MMADHC: variants seen among roughly 807,000 people sequenced by gnomAD.
MMADHC encodes the protein cobalamin trafficking protein CblD.
In MMADHC, 23 loss-of-function variants were observed where a neutral mutation model predicts 36.3. That is an observed-to-expected ratio of 0.63 (90% CI 0.46 to 0.90). The LOEUF (loss-of-function observed/expected upper bound fraction) is 0.90, where lower values mean the gene tolerates loss of function less well. Among genes scored for constraint, MMADHC ranks in the 40% least tolerant of loss-of-function variants. The probability of loss-of-function intolerance (pLI) is 0.00; values close to 1 mark genes in which losing one functional copy is unlikely to be tolerated. For synonymous variants in MMADHC, 97 were observed against 116.1 expected (o/e 0.84, Z 1.06); for missense variants, 330 against 348.0 (o/e 0.95, Z 0.41).
intron 6 of MMADHC, 35 bp from the exon 7 acceptor site, chr2:149,571,206 A>G (rs1424018982): frequency 1.6e-6 from 2 of 1,270,616 alleles, no homozygotes; most frequent in Non-Finnish European, 1.1e-6. Context: ...TGCTTAAGAT[A>G]GCATTACTAG....
In MMADHC at chr2:149,586,744, A is replaced by G. The variant is rs533678725; in HGVS notation, c.9+345T>C. 14 of 286,742 alleles carry G rather than the reference A, an allele frequency of 4.9e-5. No individual in the cohort carries two copies. The Admixed American group carries it at 5.7e-4, about 12-fold the overall frequency. The allele number at this position is 286,742 out of a possible 1,614,324, so 17.8% of individuals were successfully genotyped here. On this transcript the variant is annotated intron_variant, in intron 2 of 7. Coordinates refer to ENST00000303319, the MANE Select transcript of MMADHC (RefSeq NM_015702.3). ...GGAAACTGTTTTAAAAAAAAGAAAA[A>G]AAGATTAAAAAAACCCTTCAGTTTA...
intron 3 of MMADHC, among the ~76,000 whole-genome samples, chr2:149,580,952 T>C (rs533083297): frequency 3.8e-4 from 58 of 152,334 alleles, no homozygotes; most frequent in Non-Finnish European, 5.7e-4. Flanking sequence ...CAGATCATGT[T>C]GAATAACAAG....
intron 2 of MMADHC, among the ~76,000 whole-genome samples, chr2:149,583,484 T>A (rs547093305): frequency 3.2e-4 from 48 of 152,292 alleles, no homozygotes; most frequent in African/African-American, 1.1e-3. Flanking sequence ...AAGGGCTTGT[T>A]ACATCAAGAT....
rs548181776 is a variant in MMADHC at position 149,579,799 on chromosome 2, T to A, written c.155-151A>T. On this transcript the variant is annotated intron_variant, in intron 3 of 7. Transcript: ENST00000303319. The stretch of plus-strand genomic sequence containing the variant: ...TGTGAATATAAATAGTTTCCTATTG[T>A]TTCCAAAACACTAATCAAAGCAACT... 1,093 of 731,524 alleles carry A rather than the reference T, an allele frequency of 1.5e-3. 4 individuals are homozygous for A. The highest frequency in any genetic ancestry group is 2.1e-3 in the Non-Finnish European group (938 of 449,360). 45.3% of individuals were successfully genotyped at this position (731,524 alleles called of 1,614,324 possible).
chr2:149,584,290 A>G (rs28408377), intron 2 of MMADHC, among the ~76,000 whole-genome samples: 2,118 of 152,328 alleles, frequency 0.014, 28 homozygotes, highest in Middle Eastern at 0.017. Flanking sequence ...AATATTTGAG[A>G]GCATGTAATA....
intron 2 of MMADHC, among the ~76,000 whole-genome samples, chr2:149,585,057 GAAAAAAGAA>G (rs1682847847): frequency 6.9e-6 from 1 of 145,554 alleles, no homozygotes; most frequent in Non-Finnish European, 1.5e-5. Context: ...AAAAAAAAAA[GAAAAAAGAA>G]AAAAAAGAAG....
intron 6 of MMADHC, among the ~76,000 whole-genome samples, chr2:149,574,484 C>G (rs1682686394): frequency 6.6e-6 from 1 of 152,102 alleles, no homozygotes; most frequent in South Asian, 2.1e-4. Flanking sequence ...AAAATACTTC[C>G]TAACATCCTA....
At position 149,575,595 on chromosome 2, in the gene MMADHC, T is replaced by C. The variant is rs180813264; in HGVS notation, c.609+116A>G. Reference sequence around the variant, plus strand: ...AGATGTAAGTCCTTTAGTATTATAATACTTTGGCAGAAAATGAATAAAGGG... The same window carrying C: ...AGATGTAAGTCCTTTAGTATTATAACACTTTGGCAGAAAATGAATAAAGGG... On this transcript the variant is annotated intron_variant, in intron 6 of 7. Transcript: ENST00000303319. 1,043 of 859,970 alleles carry C rather than the reference T, an allele frequency of 1.2e-3. 1 individual carries two copies. The highest frequency in any genetic ancestry group is 1.8e-3 in the Admixed American group (64 of 34,982). The allele number at this position is 859,970 out of a possible 1,614,324, so 53.3% of individuals were successfully genotyped here. A position where few individuals can be genotyped will look rare whatever the true frequency, so the allele number is the denominator to read the frequency against.
chr2:149,577,542 A>T (rs1487972083), intron 4 of MMADHC, among the ~76,000 whole-genome samples: 1 of 152,046 alleles, frequency 6.6e-6, no homozygotes, highest in Non-Finnish European at 1.5e-5. Context: ...ATTAGCCAGG[A>T]ATGGTGGCAT....
In MMADHC at chr2:149,571,146, C is replaced by G. The variant is rs967643993; in HGVS notation, c.635G>C (p.Cys212Ser). ...ATAACCCTCAGCTCGAAGAGCATAG[C>G]AAATTTCCTTAGCACCATTGATGAA... Reference protein sequence around the residue: ...EKFINGAKEICYALRAEGYWA... With the variant: ...EKFINGAKEISYALRAEGYWA... Residue 212 changes from cysteine to serine, a missense_variant, in exon 7 of 8, where the codon TGC becomes TCC. Physicochemically the swap from Cys to Ser is moderately radical, Grantham distance 112. Transcript: ENST00000303319. The G allele has an allele frequency of 1.2e-6, 2 of 1,611,520 alleles. No individual in the cohort carries two copies. The highest frequency in any genetic ancestry group is 1.7e-6 in the Non-Finnish European group (2 of 1,178,434).
Position 149,569,980 on chromosome 2 carries a change from T to C in MMADHC, c.885A>G (p.Gly295=), listed in dbSNP as rs746282965. 1.2e-6 allele frequency: 2 copies of C among 1,612,808 alleles called. No homozygotes were observed. Among genetic ancestry groups the C allele is most frequent in the Admixed American group, 3.3e-5 (2 of 60,012 alleles). Residue 295 remains glycine (G), a synonymous_variant, in exon 8 of 8, where the codon GGA becomes GGG. Transcript: ENST00000303319. ...PDSHIMKKLS[G]N ...AAATGAATGGATATTTCTGCTAATT[T>C]CCACTTAATTTCTTCATAATATGGC...
intron 6 of MMADHC, among the ~76,000 whole-genome samples, chr2:149,574,323 T>G (rs1300764270): frequency 6.6e-6 from 1 of 152,236 alleles, no homozygotes; most frequent in African/African-American, 2.4e-5. Flanking sequence ...CCTTGTTAAT[T>G]AGTATATAAC....
intron 2 of MMADHC, among the ~76,000 whole-genome samples, chr2:149,584,972 G>C (rs1353968061): frequency 6.6e-6 from 1 of 150,960 alleles, no homozygotes; most frequent in African/African-American, 2.4e-5. Context: ...GAACCCAGGA[G>C]CCAGGATTTC....
rs780143636 is a variant in MMADHC at position 149,582,193 on chromosome 2, C to T, written c.88G>A (p.Ala30Thr). Reference protein sequence around the residue: ...SLVKRVVNPKAFSTAGSSGSD... With the variant: ...SLVKRVVNPKTFSTAGSSGSD... ...CCTGATGATCCTGCAGTCGAAAAGG[C>T]TTTGGGATTGACAACCCTTTTAACT... The change falls in exon 3 of 8, where the codon GCC becomes ACC. Residue 30 changes from alanine to threonine, a missense_variant. Physicochemically the swap from Ala to Thr is moderately conservative, Grantham distance 58. Coordinates refer to ENST00000303319, the MANE Select transcript of MMADHC (RefSeq NM_015702.3). 20 of 1,613,956 alleles carry T rather than the reference C, an allele frequency of 1.2e-5. No individual in the cohort carries two copies. The highest frequency in any genetic ancestry group is 1.6e-5 in the Non-Finnish European group (19 of 1,179,896).
intron 4 of MMADHC, among the ~76,000 whole-genome samples, chr2:149,577,103 A>AT (rs1558847040): frequency 6.6e-6 from 1 of 152,200 alleles, no homozygotes; most frequent in East Asian, 1.9e-4. Context: ...ATAAAAAAAA[A>AT]TAAGTACAAG....
intron 3 of MMADHC, among the ~76,000 whole-genome samples, chr2:149,580,182 T>C (rs1482174898): frequency 6.6e-6 from 1 of 152,098 alleles, no homozygotes; most frequent in Non-Finnish European, 1.5e-5. Context: ...ATTTTGTTTA[T>C]TTTTGGTAGA....
At chr2:149,576,589 A>G in intron 4 of MMADHC, 47 bp from the exon 5 acceptor site, 1 of 1,273,008 alleles carries the variant, frequency 7.9e-7, no homozygotes, top group Non-Finnish European at 1.1e-6. Context: ...AGTTCAAATA[A>G]AACGGTATCT....
intron 2 of MMADHC, among the ~76,000 whole-genome samples, chr2:149,586,024 AG>A (rs1217460874): frequency 6.6e-6 from 1 of 152,182 alleles, no homozygotes; most frequent in Non-Finnish European, 1.5e-5. Flanking sequence ...CTTTCTGTGC[AG>A]GTTATGGGCA....
chr2:149,587,371 C>A, intron 1 of MMADHC: 4 of 540,008 alleles, frequency 7.4e-6, no homozygotes, highest in Non-Finnish European at 1.3e-5. Context: ...TTTACAGCCG[C>A]GGAAAAACAA....
Sources: allele counts gnomAD v4.1 joint callset (sites outside exome capture counted in the v4.1 genomes callset), GRCh38; gene constraint gnomAD v4.1.1; transcripts MANE v1.5; gene names NCBI Gene and HGNC (gene_info 2026-07-23, HGNC 2026-07-21).